Variants in IFT122 observed in about 807,000 individuals in gnomAD.
IFT122 encodes intraflagellar transport 122.
IFT122 carries 118 observed loss-of-function variants against 161.6 expected under a neutral mutation model. The ratio of observed to expected loss-of-function variants is 0.73; its 90% CI spans 0.63 to 0.85. The LOEUF (loss-of-function observed/expected upper bound fraction) is 0.85. Among genes scored for constraint, IFT122 ranks in the 40% least tolerant of loss-of-function variants. The pLI is 0.00. For synonymous variants in IFT122, 550 were observed against 602.4 expected, an observed-to-expected ratio of 0.91 and a Z score of 1.27; for missense variants, 1,381 against 1,579.6, an observed-to-expected ratio of 0.87 and a Z score of 2.13.
At chr3:129,457,696 A>G (rs1253840419) in intron 3 of IFT122, among the ~76,000 whole-genome samples, 1 of 151,972 alleles carries the variant, frequency 6.6e-6, no homozygotes, top group African/African-American at 2.4e-5. Flanking sequence ...GACCATAGTT[A>G]ATAATAGCGT....
intron 18 of IFT122, among the ~76,000 whole-genome samples, chr3:129,498,608 G>C (rs149422533): frequency 6.6e-6 from 1 of 152,098 alleles, no homozygotes; most frequent in Non-Finnish European, 1.5e-5. Flanking sequence ...ATATTAGGCC[G>C]ACCTAATACT....
chr3:129,503,537 C>T lies in IFT122; in HGVS notation c.2547+655C>T, dbSNP rs115558379. ...TGTTCCCTGCAGAGAAATCCATCCC[C>T]GAGAGGATTAGGAGCTGTGCCAAGA... On this transcript the variant is annotated intron_variant, in intron 20 of 29. Coordinates refer to ENST00000348417, the MANE Select transcript of IFT122 (RefSeq NM_052989.3). 7.6e-3 allele frequency among the ~76,000 whole-genome samples: 1,157 copies of T among 152,246 alleles called. 5 individuals carry two copies. Among genetic ancestry groups the T allele is most frequent in the Non-Finnish European group, 0.012 (825 of 68,014 alleles).
intron 16 of IFT122, among the ~76,000 whole-genome samples, 171 bp from the exon 17 acceptor site, chr3:129,491,970 C>A (rs1328324960): frequency 2.0e-5 from 3 of 152,164 alleles, no homozygotes. Context: ...TAAAGCCATG[C>A]CTCGCTGGGT....
intron 15 of IFT122, among the ~76,000 whole-genome samples, chr3:129,484,859 A>G (rs776912060): frequency 6.6e-6 from 1 of 152,246 alleles, no homozygotes; most frequent in African/African-American, 2.4e-5. Flanking sequence ...CCCTTTGCCT[A>G]GTTTCCCCCA....
chr3:129,472,624 C>T (rs1233499891), intron 9 of IFT122, among the ~76,000 whole-genome samples: 1 of 152,184 alleles, frequency 6.6e-6, no homozygotes, highest in Non-Finnish European at 1.5e-5. Context: ...CTGTCTTTCA[C>T]CAAATGTGAA....
intron 1 of IFT122, among the ~76,000 whole-genome samples, chr3:129,442,297 A>G (rs1268608285): frequency 6.6e-6 from 1 of 152,194 alleles, no homozygotes; most frequent in African/African-American, 2.4e-5. Context: ...GGCAATGGCT[A>G]TGTCTTACTC....
intron 1 of IFT122, 86 bp downstream of exon 1, chr3:129,440,457 A>G: frequency 2.0e-6 from 3 of 1,488,250 alleles, no homozygotes; most frequent in Non-Finnish European, 2.7e-6. Flanking sequence ...TGAGGGGGGC[A>G]GCGGGCTTGC....
At chr3:129,509,844 A>G (rs1372689825) in intron 23 of IFT122, among the ~76,000 whole-genome samples, 3 of 152,218 alleles carry the variant, frequency 2.0e-5, no homozygotes, top group African/African-American at 7.2e-5. Context: ...TCACACACAA[A>G]TGACACTGTG....
intron 21 of IFT122, 76 bp from the exon 22 acceptor site, chr3:129,506,333 C>A: frequency 6.4e-7 from 1 of 1,570,840 alleles, no homozygotes; most frequent in Non-Finnish European, 8.7e-7. Flanking sequence ...GTGCAAGCCC[C>A]ACAGAGCTCC....
At chr3:129,479,707 G>T in intron 12 of IFT122, 78 bp from the exon 13 acceptor site, 1 of 1,567,962 alleles carries the variant, frequency 6.4e-7, no homozygotes, top group South Asian at 1.1e-5. Context: ...TCCCCTTAGG[G>T]ACAGAAAGAT....
At chr3:129,453,020 C>A (rs544583856) in intron 3 of IFT122, among the ~76,000 whole-genome samples, 7 of 152,086 alleles carry the variant, frequency 4.6e-5, no homozygotes, top group African/African-American at 7.2e-5. Context: ...AGTTGCCCCC[C>A]CCACTGAGAT....
intron 15 of IFT122, chr3:129,487,619 A>T (rs1472426733): frequency 6.2e-6 from 1 of 160,940 alleles, no homozygotes; most frequent in East Asian, 1.8e-4. Flanking sequence ...CTTGGAGCAA[A>T]TCACTTACCT....
rs758249040 is a variant in IFT122 at position 129,502,704 on chromosome 3, T to C, written c.2376-7T>C. On this transcript the variant is annotated splice_polypyrimidine_tract_variant and splice_region_variant and intron_variant, in intron 19 of 29. Coordinates refer to ENST00000348417, the MANE Select transcript of IFT122 (RefSeq NM_052989.3). The stretch of plus-strand genomic sequence containing the variant: ...CCCACCCTCCTACCTGCCCCTTCCC[T>C]CTCCAGGTTGATCGACATCGCCCGC... The C allele has an allele frequency of 6.2e-7, 1 of 1,605,408 alleles. No homozygotes were observed. Among genetic ancestry groups the C allele is most frequent in the South Asian group, 1.1e-5 (1 of 91,084 alleles).
intron 15 of IFT122, chr3:129,483,937 G>A: frequency 3.6e-6 from 2 of 549,364 alleles, no homozygotes; most frequent in South Asian, 2.0e-5. Context: ...GATGGGAGGG[G>A]TATGCAGTGT....
chr3:129,502,189 A>AC (rs1388399394), intron 19 of IFT122, among the ~76,000 whole-genome samples: 3 of 151,926 alleles, frequency 2.0e-5, no homozygotes, highest in Admixed American at 2.0e-4. Flanking sequence ...CCCCACACTC[A>AC]CCTCTTCCTT....
intron 16 of IFT122, among the ~76,000 whole-genome samples, chr3:129,489,555 G>C (rs1011584127): frequency 1.2e-4 from 18 of 152,082 alleles, no homozygotes; most frequent in African/African-American, 2.4e-4. Flanking sequence ...ATTCAGAGGA[G>C]GGGCCAGGCG....
intron 15 of IFT122, 48 bp from the exon 16 acceptor site, chr3:129,488,209 A>G (rs1327447630): frequency 3.1e-6 from 5 of 1,613,294 alleles, no homozygotes; most frequent in Non-Finnish European, 4.2e-6. Flanking sequence ...GGTTCTTTCC[A>G]TGGCTCTGAA....
At chr3:129,441,226 C>T (rs1200699282) in intron 1 of IFT122, among the ~76,000 whole-genome samples, 1 of 152,182 alleles carries the variant, frequency 6.6e-6, no homozygotes, top group Non-Finnish European at 1.5e-5. Context: ...TCTGTTCTGG[C>T]CACTGGAGCA....
At chr3:129,516,594 G>GCA (rs2083735743) in intron 26 of IFT122, among the ~76,000 whole-genome samples, 3 of 79,656 alleles carry the variant, frequency 3.8e-5, no homozygotes, top group East Asian at 4.4e-4. Context: ...GACTGCCCCT[G>GCA]CACACACACA....
Sources: gnomAD v4.1 joint callset for allele counts (sites outside exome capture counted in the v4.1 genomes callset) on GRCh38, gnomAD v4.1.1 for gene constraint, MANE v1.5 for transcripts, NCBI Gene and HGNC (gene_info 2026-07-23, HGNC 2026-07-21) for gene names.